The following CASR variants were observed in gnomAD, a reference collection of about 807,000 sequenced individuals.
CASR encodes the protein extracellular calcium-sensing receptor.
A neutral mutation model predicts 69.1 loss-of-function variants in CASR; 23 were observed. The ratio of observed to expected loss-of-function variants is 0.33; its 90% CI spans 0.24 to 0.47. The LOEUF (loss-of-function observed/expected upper bound fraction) is 0.47, where lower values mean the gene tolerates loss of function less well. Among genes scored for constraint, CASR ranks in the 20% least tolerant of loss-of-function variants. CASR has a pLI of 1.00. For synonymous variants in CASR, 541 were observed against 544.7 expected (o/e 0.99, Z 0.10); for missense variants, 924 against 1,356.1 (o/e 0.68, Z 5.00).
intron 1 of CASR, among the ~76,000 whole-genome samples, chr3:122,199,707 T>C (rs960347115): frequency 6.6e-6 from 1 of 152,140 alleles, no homozygotes; most frequent in African/African-American, 2.4e-5. Flanking sequence ...AAAAGTAGAA[T>C]AGTGGTTACT....
chr3:122,193,515 C>T (rs1322565484), intron 1 of CASR, among the ~76,000 whole-genome samples: 1 of 152,146 alleles, frequency 6.6e-6, no homozygotes, highest in Non-Finnish European at 1.5e-5. Flanking sequence ...CCATACCCGG[C>T]CCTATCCTCT....
intron 1 of CASR, among the ~76,000 whole-genome samples, chr3:122,187,013 G>A (rs906008233): frequency 6.6e-6 from 1 of 152,168 alleles, no homozygotes; most frequent in Non-Finnish European, 1.5e-5. Context: ...ATAATTAAAT[G>A]TTTCAATTAA....
rs554874503 is a variant in CASR, at chr3:122,235,068, T to C, written c.-242-18880T>C. Among the ~76,000 whole-genome samples, 4 of 151,940 alleles carry C rather than the reference T, an allele frequency of 2.6e-5. No homozygotes were observed. The South Asian group carries it at 8.3e-4, about 32-fold the overall frequency. On this transcript the variant is annotated intron_variant, in intron 1 of 6. Coordinates refer to ENST00000639785, the MANE Select transcript of CASR (RefSeq NM_000388.4). Reference sequence around the variant, plus strand: ...AGGAGAGTAGAGAAGGACCAGGGAGTGCTGGACACTTCTAACAGTCACAGG... The same window carrying C: ...AGGAGAGTAGAGAAGGACCAGGGAGCGCTGGACACTTCTAACAGTCACAGG...
intron 1 of CASR, among the ~76,000 whole-genome samples, chr3:122,201,752 G>A (rs1259774112): frequency 1.4e-4 from 21 of 151,654 alleles, no homozygotes; most frequent in South Asian, 6.3e-4. Flanking sequence ...GGTGGCTGCC[G>A]GGCGGAGGGT....
In CASR at chr3:122,257,021, TTACTC is replaced by T; in HGVS notation, c.186-57_186-53del. On this transcript the variant is annotated intron_variant, in intron 2 of 6. Coordinates refer to ENST00000639785, the MANE Select transcript of CASR (RefSeq NM_000388.4). ...ATTCAAACCCAGCTTTGCCAGGTCTTTACTCTAAAGTCGTTGACTAGAAAGCTTCC... is the reference window on the plus strand; with the variant it reads ...ATTCAAACCCAGCTTTGCCAGGTCTTTAAAGTCGTTGACTAGAAAGCTTCC... 5.5e-6 allele frequency: 8 copies of T among 1,449,784 alleles called. No homozygotes were observed. The South Asian group carries it at 6.9e-5, about 12-fold the overall frequency. The allele number at this position is 1,449,784 out of a possible 1,614,324, so 89.8% of individuals were successfully genotyped here.
At chr3:122,206,237 G>A (rs1194350621) in intron 1 of CASR, among the ~76,000 whole-genome samples, 7 of 150,146 alleles carry the variant, frequency 4.7e-5, no homozygotes, top group Admixed American at 1.3e-4. Context: ...TGTTTTAGAG[G>A]TATGATCCTT....
chr3:122,228,137 C>G (rs1479039128), intron 1 of CASR, among the ~76,000 whole-genome samples: 1 of 152,266 alleles, frequency 6.6e-6, no homozygotes, highest in East Asian at 1.9e-4. Context: ...TAGTATTGGA[C>G]AAGTCACTTA....
rs987640691 is a variant in CASR at position 122,289,282 on chromosome 3, C to A, written c.*4091C>A. On this transcript the variant is annotated 3_prime_UTR_variant, in exon 7 of 7. Coordinates refer to ENST00000639785, the MANE Select transcript of CASR (RefSeq NM_000388.4). ...TAGGAGTCCACTGGAGACAAGAATA[C>A]TCCCAAAGGTGGGTGGAATTAGGGT... The A allele has an allele frequency of 1.1e-4, 16 of 152,226 alleles. No homozygotes were observed. Among genetic ancestry groups the A allele is most frequent in the African/African-American group, 3.9e-4 (16 of 41,454 alleles). 9.4% of individuals were successfully genotyped at this position (152,226 alleles called of 1,614,324 possible).
At chr3:122,269,121 G>T (rs548484230) in intron 4 of CASR, among the ~76,000 whole-genome samples, 3 of 152,326 alleles carry the variant, frequency 2.0e-5, no homozygotes, top group African/African-American at 4.8e-5. Flanking sequence ...AAGAAGAAAA[G>T]AAGCAACTTT....
At chr3:122,202,823 T>C (rs2073971081) in intron 1 of CASR, among the ~76,000 whole-genome samples, 2 of 152,240 alleles carry the variant, frequency 1.3e-5, no homozygotes, top group African/African-American at 4.8e-5. Flanking sequence ...GCATTTGCAA[T>C]TGATTTTTGT....
intron 1 of CASR, among the ~76,000 whole-genome samples, chr3:122,211,456 C>G (rs1434702089): frequency 6.6e-6 from 1 of 152,172 alleles, no homozygotes; most frequent in African/African-American, 2.4e-5. Context: ...ACATGTAATC[C>G]CAACATGTTG....
Position 122,201,921 on chromosome 3 carries a change from C to T in CASR, c.-243+18109C>T, listed in dbSNP as rs1297128859. On this transcript the variant is annotated intron_variant, in intron 1 of 6. Coordinates refer to ENST00000639785, the MANE Select transcript of CASR (RefSeq NM_000388.4). ...GGGATGGCGGCCGGGCAGAGACGCT[C>T]CTCACTTTCCAGACTGGGCAGCCAG... Among the ~76,000 whole-genome samples the T allele has an allele frequency of 6.6e-5, 10 of 152,002 alleles. No individual in the cohort carries two copies. In the East Asian group the frequency reaches 1.9e-3, roughly 29 times the overall value.
At chr3:122,228,031 T>C (rs1194905768) in intron 1 of CASR, among the ~76,000 whole-genome samples, 1 of 152,194 alleles carries the variant, frequency 6.6e-6, no homozygotes, top group Admixed American at 6.5e-5. Flanking sequence ...ACCAGCAGTC[T>C]GAGGGAGGAG....
At chr3:122,272,927 T>A (rs946878948) in intron 4 of CASR, among the ~76,000 whole-genome samples, 3 of 152,244 alleles carry the variant, frequency 2.0e-5, no homozygotes, top group African/African-American at 7.2e-5. Context: ...TGCAGAAGAC[T>A]TGTAGCCAGG....
chr3:122,254,041 A>G lies in CASR; in HGVS notation c.-149A>G. 1.2e-6 allele frequency: 1 copy of G among 814,460 alleles called. No individual in the cohort carries two copies. The highest frequency in any genetic ancestry group is 2.1e-6 in the Non-Finnish European group (1 of 471,778). 50.5% of individuals were successfully genotyped at this position (814,460 alleles called of 1,614,324 possible). A position where few individuals can be genotyped will look rare whatever the true frequency, so the allele number is the denominator to read the frequency against. On this transcript the variant is annotated 5_prime_UTR_variant, in exon 2 of 7. Coordinates refer to ENST00000639785, the MANE Select transcript of CASR (RefSeq NM_000388.4). ...TGGATTGAGGAAGGCAGAAATGGAG[A>G]TTCAAACACCACGTCTTCTATTATT...
chr3:122,195,392 G>A (rs1377542474), intron 1 of CASR, among the ~76,000 whole-genome samples: 1 of 152,132 alleles, frequency 6.6e-6, no homozygotes, highest in East Asian at 1.9e-4. Context: ...TAATTTTCTT[G>A]TTCAAACGGG....
In CASR at chr3:122,232,148, CT is replaced by C. The variant is rs1005362552; in HGVS notation, c.-242-21792del. On this transcript the variant is annotated intron_variant, in intron 1 of 6. Coordinates refer to ENST00000639785, the MANE Select transcript of CASR (RefSeq NM_000388.4). ...AACCCCAAGAAAAGATTCACAATCC[CT>C]TTTTTTTATTGTACTATAAAAAGAA... Among the ~76,000 whole-genome samples the C allele has an allele frequency of 1.2e-3, 181 of 152,132 alleles. 2 individuals are homozygous for C. Among genetic ancestry groups the C allele is most frequent in the Middle Eastern group, 3.4e-3 (1 of 294 alleles).
intron 3 of CASR, among the ~76,000 whole-genome samples, chr3:122,258,661 T>C (rs1327623772): frequency 3.9e-5 from 6 of 152,162 alleles, no homozygotes. Flanking sequence ...ATTCTTTGTG[T>C]TTTGGATGAA....
intron 1 of CASR, among the ~76,000 whole-genome samples, chr3:122,245,993 C>A (rs1008973514): frequency 6.6e-6 from 1 of 152,144 alleles, no homozygotes; most frequent in African/African-American, 2.4e-5. Context: ...AAGAAGCTTG[C>A]CCTTTGATTA....
Sources: allele counts gnomAD v4.1 joint callset (sites outside exome capture counted in the v4.1 genomes callset), GRCh38; gene constraint gnomAD v4.1.1; transcripts MANE v1.5; gene names NCBI Gene and HGNC (gene_info 2026-07-23, HGNC 2026-07-21).